Variants in ASAP1 observed in about 807,000 individuals in gnomAD.
ASAP1 encodes arf-GAP with SH3 domain, ANK repeat and PH domain-containing protein 1.
Under a neutral mutation model 145.2 loss-of-function variants are expected in ASAP1, and 43 were observed. The observed-to-expected ratio is 0.30, with a 90% CI of 0.23 to 0.38. The LOEUF (loss-of-function observed/expected upper bound fraction) is 0.38. Ranked by LOEUF, ASAP1 falls within the 10% of genes least tolerant of loss-of-function variation. ASAP1 has a pLI of 1.00. For missense variants in ASAP1, 1,018 were observed against 1,355.3 expected (o/e 0.75, Z 3.91); for synonymous variants, 546 against 515.5 (o/e 1.06, Z -0.80).
At chr8:130,197,445 CAAAAGAAAAAAG>C (rs111274605) in intron 5 of ASAP1, among the ~76,000 whole-genome samples, 29,502 of 151,930 alleles carry the variant, frequency 0.19, 3,379 homozygotes, top group East Asian at 0.44. Flanking sequence ...CAGACTGTCT[CAAAAGAAAAAAG>C]AAAAGAAAAG....
intron 5 of ASAP1, among the ~76,000 whole-genome samples, chr8:130,206,558 T>A (rs1816237757): frequency 6.6e-6 from 1 of 152,094 alleles, no homozygotes; most frequent in Admixed American, 6.5e-5. Flanking sequence ...CTTCAACAGC[T>A]CTGAAGCAAT....
At chr8:130,257,158 G>GT (rs1202221549) in intron 3 of ASAP1, among the ~76,000 whole-genome samples, 1 of 152,032 alleles carries the variant, frequency 6.6e-6, no homozygotes, top group Non-Finnish European at 1.5e-5. Flanking sequence ...GCCCAGAGCA[G>GT]TAACTATAAT....
At chr8:130,251,400 A>G (rs982321217) in intron 3 of ASAP1, among the ~76,000 whole-genome samples, 20 of 152,306 alleles carry the variant, frequency 1.3e-4, no homozygotes, top group African/African-American at 4.8e-4. Flanking sequence ...CCTGGGCGAT[A>G]GAGTGAGACT....
intron 3 of ASAP1, among the ~76,000 whole-genome samples, chr8:130,341,421 C>T (rs1339064172): frequency 6.6e-6 from 1 of 152,162 alleles, no homozygotes; most frequent in Non-Finnish European, 1.5e-5. Flanking sequence ...GACTTGGAGA[C>T]TTGAGGGTCA....
chr8:130,394,396 T>G (rs188731166), intron 2 of ASAP1, among the ~76,000 whole-genome samples: 1 of 152,274 alleles, frequency 6.6e-6, no homozygotes, highest in African/African-American at 2.4e-5. Flanking sequence ...CCAGGCTTAT[T>G]AGGACAGGAA....
At chr8:130,315,770 C>T (rs1823629560) in intron 3 of ASAP1, among the ~76,000 whole-genome samples, 1 of 152,058 alleles carries the variant, frequency 6.6e-6, no homozygotes, top group South Asian at 2.1e-4. Context: ...TTGGAAAATG[C>T]AAAAGAAAAA....
chr8:130,279,633 C>G (rs1821135138), intron 3 of ASAP1, among the ~76,000 whole-genome samples: 1 of 152,134 alleles, frequency 6.6e-6, no homozygotes, highest in Non-Finnish European at 1.5e-5. Context: ...GTTCCTTCAT[C>G]TATAAAACAA....
At chr8:130,098,043 C>T (rs960801856) in intron 24 of ASAP1, among the ~76,000 whole-genome samples, 6 of 152,180 alleles carry the variant, frequency 3.9e-5, no homozygotes, top group East Asian at 1.9e-4. Flanking sequence ...CTACCATTTA[C>T]TGAGTATTAT....
intron 3 of ASAP1, among the ~76,000 whole-genome samples, chr8:130,311,995 T>G (rs1182288653): frequency 6.6e-6 from 1 of 152,046 alleles, no homozygotes; most frequent in Non-Finnish European, 1.5e-5. Flanking sequence ...TAGGTGCAAA[T>G]ATACTCTTGT....
chr8:130,182,831 C>CAAAAAAAAAAAAAA (rs35195899), intron 7 of ASAP1, among the ~76,000 whole-genome samples: 2 of 73,596 alleles, frequency 2.7e-5, no homozygotes, highest in African/African-American at 1.2e-4. Flanking sequence ...TATAAAAAGG[C>CAAAAAAAAAAAAAA]AAAAAAAAAA....
intron 1 of ASAP1, among the ~76,000 whole-genome samples, chr8:130,422,144 C>T (rs1045645687): frequency 6.6e-6 from 1 of 152,092 alleles, no homozygotes; most frequent in Non-Finnish European, 1.5e-5. Context: ...ATCATGTAGA[C>T]AAACCTTACA....
intron 27 of ASAP1, 32 bp downstream of exon 27, chr8:130,076,316 T>G: frequency 1.3e-6 from 2 of 1,563,050 alleles, no homozygotes; most frequent in Non-Finnish European, 1.8e-6. Context: ...GACACTTTAA[T>G]TACATGTAAA....
chr8:130,057,651 T>C (rs931302797), intron 29 of ASAP1, among the ~76,000 whole-genome samples: 2 of 152,344 alleles, frequency 1.3e-5, no homozygotes, highest in Admixed American at 1.3e-4. Flanking sequence ...GGTTTCACCA[T>C]GCTGGCCAGG....
chr8:130,330,083 A>T (rs1824585731), intron 3 of ASAP1, among the ~76,000 whole-genome samples: 1 of 152,210 alleles, frequency 6.6e-6, no homozygotes, highest in Admixed American at 6.5e-5. Flanking sequence ...CCCAGCTGGA[A>T]ATGAATCACT....
intron 3 of ASAP1, among the ~76,000 whole-genome samples, chr8:130,238,161 C>T (rs930071772): frequency 6.6e-6 from 1 of 152,046 alleles, no homozygotes; most frequent in Non-Finnish European, 1.5e-5. Flanking sequence ...ACCTCTTGTT[C>T]TCTAGACCCC....
chr8:130,177,307 G>C (rs1022673353), intron 9 of ASAP1, among the ~76,000 whole-genome samples: 1 of 152,222 alleles, frequency 6.6e-6, no homozygotes, highest in African/African-American at 2.4e-5. Context: ...ACTCTTGTTT[G>C]TGTAGGCCAA....
chr8:130,343,750 C>T (rs1300307126), intron 3 of ASAP1, among the ~76,000 whole-genome samples: 1 of 152,158 alleles, frequency 6.6e-6, no homozygotes, highest in Non-Finnish European at 1.5e-5. Context: ...AACTGCTAAG[C>T]CAACTGTACA....
chr8:130,361,858 C>T, intron 2 of ASAP1: 1 of 935,118 alleles, frequency 1.1e-6, no homozygotes, highest in Middle Eastern at 2.1e-4. Flanking sequence ...ACCATCCTCC[C>T]CAAAGCCAGG....
At chr8:130,300,180 A>AGT in intron 3 of ASAP1, among the ~76,000 whole-genome samples, 2 of 142,558 alleles carry the variant, frequency 1.4e-5, no homozygotes, top group South Asian at 4.8e-4. Context: ...AGAGAGAGAG[A>AGT]GAGAGAGCGA....
Sources: allele counts gnomAD v4.1 joint callset (sites outside exome capture counted in the v4.1 genomes callset), GRCh38; gene constraint gnomAD v4.1.1; transcripts MANE v1.5; gene names NCBI Gene and HGNC (gene_info 2026-07-23, HGNC 2026-07-21).